Variants in PPP1R21 observed in about 807,000 individuals in gnomAD.
PPP1R21 encodes the protein protein phosphatase 1 regulatory subunit 21.
In PPP1R21, 85 loss-of-function variants were observed where a neutral mutation model predicts 112.8. The ratio of observed to expected loss-of-function variants is 0.75; its 90% CI spans 0.63 to 0.90. The LOEUF (loss-of-function observed/expected upper bound fraction) is 0.90. PPP1R21 is among the 40% of genes least tolerant of loss of function. The probability of loss-of-function intolerance (pLI) is 0.00; values close to 1 mark genes in which losing one functional copy is unlikely to be tolerated. For missense variants in PPP1R21, 1,199 were observed against 901.5 expected (o/e 1.33, Z -4.23); for synonymous variants, 381 against 322.3 (o/e 1.18, Z -1.95).
At chr2:48,501,108 C>T (rs1670092081) in intron 17 of PPP1R21, among the ~76,000 whole-genome samples, 1 of 152,142 alleles carries the variant, frequency 6.6e-6, no homozygotes, top group Non-Finnish European at 1.5e-5. Flanking sequence ...CTGTTTTTAC[C>T]TCCATATCAG....
In PPP1R21 at chr2:48,495,539, G is replaced by A. The variant is rs147279821; in HGVS notation, c.1600-140G>A. The A allele has an allele frequency of 5.2e-3, 2,972 of 571,320 alleles. 57 individuals carry two copies. The highest frequency in any genetic ancestry group is 0.047 in the African/African-American group (2,485 of 53,208). 35.4% of individuals were successfully genotyped at this position (571,320 alleles called of 1,614,324 possible). ...TTTAAAAAATTATCTTCGTTTTCAC[G>A]TGTATTAAAGAAAATAGTCTGCTTT... is the stretch of plus-strand genomic sequence containing the variant. On this transcript the variant is annotated intron_variant, in intron 15 of 21. Coordinates refer to ENST00000294952, the MANE Select transcript of PPP1R21 (RefSeq NM_001135629.3).
intron 21 of PPP1R21, among the ~76,000 whole-genome samples, chr2:48,513,588 A>G (rs541280639): frequency 4.0e-4 from 61 of 152,226 alleles, no homozygotes; most frequent in African/African-American, 1.4e-3. Flanking sequence ...GTTTGAATTT[A>G]TGTCATTAAC....
intron 13 of PPP1R21, among the ~76,000 whole-genome samples, chr2:48,484,268 T>C (rs1171057894): frequency 6.6e-6 from 1 of 152,188 alleles, no homozygotes; most frequent in East Asian, 1.9e-4. Context: ...CCTTCTTTGA[T>C]TTCTTGGCTC....
intron 1 of PPP1R21, among the ~76,000 whole-genome samples, chr2:48,450,569 A>G (rs1446182605): frequency 3.3e-5 from 5 of 151,974 alleles, no homozygotes; most frequent in African/African-American, 4.8e-5. Flanking sequence ...CCACATTTTT[A>G]TTTTCTGTGG....
At chr2:48,451,151 T>G (rs1667452393) in intron 2 of PPP1R21, 75 bp downstream of exon 2, 1 of 1,223,460 alleles carries the variant, frequency 8.2e-7, no homozygotes, top group Non-Finnish European at 1.2e-6. Flanking sequence ...CATTGGGTTT[T>G]CTGGGTTAAA....
chr2:48,495,432 G>A (rs1669790282), intron 15 of PPP1R21, among the ~76,000 whole-genome samples: 1 of 152,114 alleles, frequency 6.6e-6, no homozygotes, highest in Admixed American at 6.6e-5. Context: ...TTGAATTCCT[G>A]ACCTTGTGAT....
intron 15 of PPP1R21, among the ~76,000 whole-genome samples, chr2:48,492,284 A>C (rs1422522131): frequency 6.6e-6 from 1 of 152,188 alleles, no homozygotes; most frequent in Non-Finnish European, 1.5e-5. Flanking sequence ...GCAATCTATA[A>C]ACAAAGAATT....
At chr2:48,492,679 C>G (rs1669624807) in intron 15 of PPP1R21, among the ~76,000 whole-genome samples, 1 of 152,146 alleles carries the variant, frequency 6.6e-6, no homozygotes, top group Non-Finnish European at 1.5e-5. Flanking sequence ...ATAGTAGTTG[C>G]TAGTTGTCCT....
At chr2:48,468,415 T>G (rs1400653860) in intron 9 of PPP1R21, among the ~76,000 whole-genome samples, 3 of 152,230 alleles carry the variant, frequency 2.0e-5, no homozygotes, top group African/African-American at 7.2e-5. Context: ...AAATGTTCTT[T>G]AATATCACTG....
intron 13 of PPP1R21, among the ~76,000 whole-genome samples, chr2:48,486,253 T>C (rs1476475534): frequency 6.6e-6 from 1 of 152,090 alleles, no homozygotes; most frequent in African/African-American, 2.4e-5. Flanking sequence ...GGTGGGTTGT[T>C]TATATAAATA....
At chr2:48,441,371 T>G in intron 1 of PPP1R21, 1 of 344,520 alleles carries the variant, frequency 2.9e-6, no homozygotes. Context: ...GCTTCCTCAA[T>G]TTTCTCAGCC....
At chr2:48,496,345 A>T (rs888198627) in intron 16 of PPP1R21, among the ~76,000 whole-genome samples, 1 of 152,184 alleles carries the variant, frequency 6.6e-6, no homozygotes, top group Non-Finnish European at 1.5e-5. Context: ...GCAGGACTCT[A>T]ATCTGACTTT....
In PPP1R21 at chr2:48,440,899, C is replaced by T; in HGVS notation, c.-55C>T. 1.1e-6 allele frequency: 1 copy of T among 941,832 alleles called. No individual in the cohort carries two copies. The highest frequency in any genetic ancestry group is 1.5e-6 in the Non-Finnish European group (1 of 673,324). 58.3% of individuals were successfully genotyped at this position (941,832 alleles called of 1,614,324 possible). ...CCGGGAGCGTGTCTGGGTTTGGGGG[C>T]GGGAGACAGGCTGAGCCGCCTGGGC... On this transcript the variant is annotated 5_prime_UTR_variant, in exon 1 of 22. Transcript: ENST00000294952.
Position 48,440,772 on chromosome 2 carries a change from C to G in PPP1R21, c.-182C>G, listed in dbSNP as rs1157571584. On this transcript the variant is annotated 5_prime_UTR_variant, in exon 1 of 22. Coordinates refer to ENST00000294952, the MANE Select transcript of PPP1R21 (RefSeq NM_001135629.3). The stretch of plus-strand genomic sequence containing the variant: ...TCGCTCCGCCCCCGGCCCCACTCCA[C>G]CTTCCTCCCACCCCGGGAACCCGGA... 3.3e-6 allele frequency: 2 copies of G among 610,266 alleles called. No homozygotes were observed. 37.8% of individuals were successfully genotyped at this position (610,266 alleles called of 1,614,324 possible). A position where few individuals can be genotyped will look rare whatever the true frequency, so the allele number is the denominator to read the frequency against.
chr2:48,492,687 C>G (rs1175805614), intron 15 of PPP1R21, among the ~76,000 whole-genome samples: 1 of 152,158 alleles, frequency 6.6e-6, no homozygotes, highest in Non-Finnish European at 1.5e-5. Context: ...TGCTAGTTGT[C>G]CTTCAAAATG....
intron 3 of PPP1R21, among the ~76,000 whole-genome samples, chr2:48,455,209 C>T (rs949974899): frequency 4.0e-4 from 57 of 140,978 alleles, no homozygotes; most frequent in African/African-American, 1.5e-3. Flanking sequence ...TGCAATGGCA[C>T]GATCTTAGCT....
intron 1 of PPP1R21, among the ~76,000 whole-genome samples, chr2:48,450,726 GAC>G (rs1197527587): frequency 6.6e-5 from 10 of 151,958 alleles, no homozygotes; most frequent in Admixed American, 3.3e-4. Flanking sequence ...TAGAAAGAGT[GAC>G]ACACTAGAAA....
intron 13 of PPP1R21, among the ~76,000 whole-genome samples, chr2:48,482,038 G>A (rs915914274): frequency 6.6e-6 from 1 of 152,132 alleles, no homozygotes; most frequent in Non-Finnish European, 1.5e-5. Context: ...ATGTATATGC[G>A]AATATTCCAA....
intron 21 of PPP1R21, 77 bp downstream of exon 21, chr2:48,511,545 G>C (rs1199597007): frequency 1.9e-6 from 3 of 1,546,830 alleles, no homozygotes; most frequent in Non-Finnish European, 2.6e-6. Context: ...TGCATTTCAG[G>C]AGGAAGAGGA....
Sources: gnomAD v4.1 joint callset for allele counts (sites outside exome capture counted in the v4.1 genomes callset) on GRCh38, gnomAD v4.1.1 for gene constraint, MANE v1.5 for transcripts, NCBI Gene and HGNC (gene_info 2026-07-23, HGNC 2026-07-21) for gene names.